The following LGSN variants were observed in gnomAD, a reference collection of about 807,000 sequenced individuals.
The protein encoded by LGSN is lengsin, lens protein with glutamine synthetase domain.
Under a neutral mutation model 19.5 loss-of-function variants are expected in LGSN, and 21 were observed. That is an observed-to-expected ratio of 1.07 (90% CI 0.76 to 1.55). LGSN has a LOEUF of 1.55. Ranked by LOEUF, LGSN falls within the 40% of genes most tolerant of loss-of-function variation. The pLI is 0.00. For synonymous variants in LGSN, 257 were observed against 215.6 expected (o/e 1.19, Z -1.68); for missense variants, 673 against 608.5 (o/e 1.11, Z -1.12).
At chr6:63,339,870 T>C in the LGSN span, among the ~76,000 whole-genome samples, 4 of 152,174 alleles carry the variant, frequency 2.6e-5, no homozygotes, top group African/African-American at 9.7e-5. Context: ...TATTCTCATG[T>C]GTTTTCATGA....
chr6:63,283,053 G>T (rs1767379870), intron 3 of LGSN, among the ~76,000 whole-genome samples: 1 of 152,018 alleles, frequency 6.6e-6, no homozygotes, highest in Non-Finnish European at 1.5e-5. Context: ...ACAGCTGGTT[G>T]CCATTTCACT....
the LGSN span, among the ~76,000 whole-genome samples, chr6:63,517,833 G>GT: frequency 3.9e-5 from 6 of 152,026 alleles, no homozygotes; most frequent in Non-Finnish European, 7.4e-5. Context: ...CAACCCAATA[G>GT]TTTTTAAAAG....
At chr6:63,441,626 C>A in the LGSN span, 1 of 465,036 alleles carries the variant, frequency 2.2e-6, no homozygotes, top group Middle Eastern at 4.2e-4. Context: ...AGAGGAAATG[C>A]GGAAGCGGGA....
the LGSN span, among the ~76,000 whole-genome samples, chr6:63,514,470 G>A: frequency 6.6e-6 from 1 of 152,068 alleles, no homozygotes; most frequent in Non-Finnish European, 1.5e-5. Context: ...CCAAGTGTCC[G>A]CCCACCTCGG....
chr6:63,448,435 G>A, the LGSN span, among the ~76,000 whole-genome samples: 1 of 151,908 alleles, frequency 6.6e-6, no homozygotes, highest in African/African-American at 2.4e-5. Context: ...ATGAGTCATA[G>A]GGACAACTTT....
chr6:63,409,189 G>A, the LGSN span, among the ~76,000 whole-genome samples: 5 of 152,108 alleles, frequency 3.3e-5, no homozygotes, highest in African/African-American at 1.2e-4. Flanking sequence ...TGAGATTATA[G>A]GTGTGAGCCA....
the LGSN span, among the ~76,000 whole-genome samples, chr6:63,405,491 T>C: frequency 3.3e-5 from 5 of 152,324 alleles, no homozygotes; most frequent in Middle Eastern, 3.4e-3. Context: ...TTTTAATGAT[T>C]GCCATTCTAA....
chr6:63,460,059 C>T, the LGSN span, among the ~76,000 whole-genome samples: 1 of 147,710 alleles, frequency 6.8e-6, no homozygotes, highest in Non-Finnish European at 1.5e-5. Flanking sequence ...ACATCAAAAT[C>T]CTAGTCTTTC....
chr6:63,456,191 C>A, the LGSN span, among the ~76,000 whole-genome samples: 1 of 151,224 alleles, frequency 6.6e-6, no homozygotes, highest in Non-Finnish European at 1.5e-5. Flanking sequence ...GATCACGCCA[C>A]TGTACTCCAG....
the LGSN span, among the ~76,000 whole-genome samples, chr6:63,421,786 G>A: frequency 2.6e-5 from 4 of 151,972 alleles, no homozygotes; most frequent in African/African-American, 9.7e-5. Flanking sequence ...AGAGAAAATA[G>A]GGAAGAAAAT....
At chr6:63,418,234 A>G in the LGSN span, among the ~76,000 whole-genome samples, 1 of 152,184 alleles carries the variant, frequency 6.6e-6, no homozygotes, top group Non-Finnish European at 1.5e-5. Flanking sequence ...CACATTCCTC[A>G]CAGTAATGTC....
At chr6:63,533,096 A>G in the LGSN span, among the ~76,000 whole-genome samples, 12 of 152,272 alleles carry the variant, frequency 7.9e-5, no homozygotes, top group Admixed American at 5.9e-4. Context: ...AAAGAAAACA[A>G]TAAGGCTGGG....
At chr6:63,408,590 T>C in the LGSN span, among the ~76,000 whole-genome samples, 1 of 150,140 alleles carries the variant, frequency 6.7e-6, no homozygotes, top group Non-Finnish European at 1.5e-5. Context: ...GAAGAAAACC[T>C]AGGCATTACC....
At chr6:63,295,398 G>A (rs1246028828) in intron 1 of LGSN, among the ~76,000 whole-genome samples, 1 of 151,896 alleles carries the variant, frequency 6.6e-6, no homozygotes, top group Non-Finnish European at 1.5e-5. Context: ...TAACTAAAAA[G>A]TTTACTTTTT....
chr6:63,551,130 A>G, the LGSN span, among the ~76,000 whole-genome samples: 22 of 152,048 alleles, frequency 1.4e-4, no homozygotes, highest in Non-Finnish European at 2.8e-4. Flanking sequence ...CAGTTGCTCA[A>G]TCTCTGCTCA....
chr6:63,492,278 A>G, the LGSN span, among the ~76,000 whole-genome samples: 4 of 152,238 alleles, frequency 2.6e-5, no homozygotes, highest in African/African-American at 4.8e-5. Flanking sequence ...AGTGGTCTCA[A>G]TAAATGTGTT....
the LGSN span, among the ~76,000 whole-genome samples, chr6:63,465,693 T>C: frequency 6.6e-6 from 1 of 152,172 alleles, no homozygotes; most frequent in Non-Finnish European, 1.5e-5. Context: ...ATGTATATAC[T>C]AGCATATTTT....
intron 3 of LGSN, among the ~76,000 whole-genome samples, chr6:63,283,788 C>T (rs1403437032): frequency 2.0e-5 from 3 of 152,062 alleles, no homozygotes; most frequent in Non-Finnish European, 4.4e-5. Context: ...GCAACCTCCG[C>T]CTTCCGGGTT....
chr6:63,289,886 G>A lies in LGSN; in HGVS notation c.164-4133C>T, dbSNP rs116233738. 2.9e-3 allele frequency among the ~76,000 whole-genome samples: 445 copies of A among 152,262 alleles called. 3 individuals are homozygous for A. Among genetic ancestry groups the A allele is most frequent in the African/African-American group, 0.01 (421 of 41,524 alleles). ...ATGTACCATGCTCTTTCAAGGTCCA[G>A]CCATCTTTCATCATTGTGGCTATGG... On this transcript the variant is annotated intron_variant, in intron 2 of 3. Coordinates refer to ENST00000370657, the MANE Select transcript of LGSN (RefSeq NM_016571.3).
Sources: gnomAD v4.1 joint callset for allele counts (sites outside exome capture counted in the v4.1 genomes callset) on GRCh38, gnomAD v4.1.1 for gene constraint, MANE v1.5 for transcripts, NCBI Gene and HGNC (gene_info 2026-07-23, HGNC 2026-07-21) for gene names.